The following SPTLC2 variants were observed in gnomAD, a reference collection of about 807,000 sequenced individuals.
The protein encoded by SPTLC2 is serine palmitoyltransferase long chain base subunit 2.
In SPTLC2, 21 loss-of-function variants were observed where a neutral mutation model predicts 62.0. The observed-to-expected ratio is 0.34, with a 90% confidence interval of 0.24 to 0.49. SPTLC2 has a LOEUF of 0.49. SPTLC2 is among the 20% of genes least tolerant of loss of function. The pLI, the probability that SPTLC2 is intolerant of heterozygous loss-of-function variation, is 0.99. For missense variants in SPTLC2, 511 were observed against 713.0 expected (o/e 0.72, Z 3.23); for synonymous variants, 261 against 261.8 (o/e 1.00, Z 0.03).
At chr14:77,559,966 A>G (rs767072815) in intron 6 of SPTLC2, among the ~76,000 whole-genome samples, 35 of 152,330 alleles carry the variant, frequency 2.3e-4, no homozygotes, top group Non-Finnish European at 4.3e-4. Flanking sequence ...TCAGTAAAAA[A>G]TAGAAACAAT....
In SPTLC2 at chr14:77,512,127, C is replaced by CA. The variant is rs571010205; in HGVS notation, c.*156dup. ...ATTAGAAGCAGTTTTTTACTATTTACAAAATGTCATTTAGAGTGGAGGTGG... is the reference window on the plus strand; with the variant it reads ...ATTAGAAGCAGTTTTTTACTATTTACAAAAATGTCATTTAGAGTGGAGGTGG... On this transcript the variant is annotated 3_prime_UTR_variant, in exon 12 of 12. Coordinates refer to ENST00000216484, the MANE Select transcript of SPTLC2 (RefSeq NM_004863.4). The CA allele has an allele frequency of 1.2e-4, 119 of 971,476 alleles. No individual in the cohort carries two copies. In the African/African-American group the frequency reaches 1.6e-3, roughly 13 times the overall value. 60.2% of individuals were successfully genotyped at this position (971,476 alleles called of 1,614,324 possible). A position where few individuals can be genotyped will look rare whatever the true frequency, so the allele number is the denominator to read the frequency against.
At chr14:77,538,243 T>C (rs2140006655) in intron 9 of SPTLC2, among the ~76,000 whole-genome samples, 1 of 152,332 alleles carries the variant, frequency 6.6e-6, no homozygotes, top group East Asian at 1.9e-4. Flanking sequence ...GTAATTATCA[T>C]CCAGGTGAGG....
chr14:77,566,406 C>A (rs1210186651), intron 5 of SPTLC2, among the ~76,000 whole-genome samples: 1 of 152,198 alleles, frequency 6.6e-6, no homozygotes, highest in Non-Finnish European at 1.5e-5. Context: ...ACTATTATCA[C>A]TCCCACTTTA....
At chr14:77,517,630 A>G (rs575569048) in intron 11 of SPTLC2, among the ~76,000 whole-genome samples, 11 of 152,214 alleles carry the variant, frequency 7.2e-5, no homozygotes, top group African/African-American at 2.7e-4. Context: ...ACACAGAGCA[A>G]GAAGGTGTGG....
chr14:77,518,196 CAGG>C (rs1359162982), intron 10 of SPTLC2, 29 bp from the exon 11 acceptor site: 2 of 1,613,850 alleles, frequency 1.2e-6, no homozygotes, highest in South Asian at 1.1e-5. Context: ...GAACAGAAAC[CAGG>C]AGGAGTGAAA....
chr14:77,589,498 T>TA (rs1759580779), intron 2 of SPTLC2, among the ~76,000 whole-genome samples: 1 of 128,478 alleles, frequency 7.8e-6, no homozygotes, highest in East Asian at 2.2e-4. Context: ...TTTTTTTTTT[T>TA]AGAGATAATG....
intron 10 of SPTLC2, among the ~76,000 whole-genome samples, chr14:77,519,667 G>A (rs549952897): frequency 6.5e-4 from 99 of 152,254 alleles, no homozygotes; most frequent in African/African-American, 2.2e-3. Context: ...GCAGTAAGCC[G>A]AGATCACGCC....
At chr14:77,516,123 T>A (rs2079358715) in intron 11 of SPTLC2, among the ~76,000 whole-genome samples, 1 of 152,206 alleles carries the variant, frequency 6.6e-6, no homozygotes, top group Admixed American at 6.5e-5. Flanking sequence ...TAGTACACGT[T>A]TAGTTCCATA....
chr14:77,563,128 G>A (rs1217725322), intron 5 of SPTLC2, among the ~76,000 whole-genome samples: 1 of 151,766 alleles, frequency 6.6e-6, no homozygotes, highest in Non-Finnish European at 1.5e-5. Flanking sequence ...ATCTCTCAGG[G>A]GGCCCTTCAA....
chr14:77,543,521 A>G (rs552679284), intron 9 of SPTLC2, among the ~76,000 whole-genome samples: 11 of 152,354 alleles, frequency 7.2e-5, no homozygotes, highest in African/African-American at 2.6e-4. Context: ...CAATAAGACA[A>G]TCAGAGTTTT....
chr14:77,538,596 A>G (rs1453096395), intron 9 of SPTLC2, among the ~76,000 whole-genome samples: 2 of 152,094 alleles, frequency 1.3e-5, no homozygotes, highest in African/African-American at 4.8e-5. Context: ...TTTGAGACAG[A>G]GTCTTGCTCT....
chr14:77,593,836 G>C (rs967320310), intron 2 of SPTLC2, among the ~76,000 whole-genome samples: 1 of 152,134 alleles, frequency 6.6e-6, no homozygotes, highest in Non-Finnish European at 1.5e-5. Context: ...CCTCCTTCCA[G>C]TTTAACACTT....
chr14:77,579,243 T>TA, intron 2 of SPTLC2, 134 bp from the exon 3 acceptor site: 1 of 866,642 alleles, frequency 1.2e-6, no homozygotes, highest in South Asian at 1.5e-5. Context: ...CAAGATTGTG[T>TA]AATGGACAAG....
At chr14:77,601,042 A>T (rs1027208207) in intron 1 of SPTLC2, among the ~76,000 whole-genome samples, 1 of 152,208 alleles carries the variant, frequency 6.6e-6, no homozygotes, top group African/African-American at 2.4e-5. Flanking sequence ...AGACACAAGA[A>T]AATGTGGTAA....
At chr14:77,575,907 T>C (rs1157952769) in intron 4 of SPTLC2, among the ~76,000 whole-genome samples, 2 of 152,128 alleles carry the variant, frequency 1.3e-5, no homozygotes, top group African/African-American at 4.8e-5. Context: ...AAGACCACCA[T>C]GGTATGAAGA....
chr14:77,525,320 G>A (rs1317299706), intron 9 of SPTLC2, among the ~76,000 whole-genome samples: 7 of 151,944 alleles, frequency 4.6e-5, no homozygotes, highest in Admixed American at 3.3e-4. Context: ...AGCCAGGCAC[G>A]GTGGCTCACG....
At chr14:77,526,677 T>C (rs34050122) in intron 9 of SPTLC2, among the ~76,000 whole-genome samples, 17,886 of 152,270 alleles carry the variant, frequency 0.12, 1,209 homozygotes, top group Middle Eastern at 0.25. Flanking sequence ...TTGGAAAATG[T>C]AGATAACTTT....
rs2079970247 is a variant in SPTLC2, at chr14:77,616,627, C to G, written c.-48G>C. 1 of 1,513,890 alleles carries G rather than the reference C, an allele frequency of 6.6e-7. No individual in the cohort carries two copies. Among genetic ancestry groups the G allele is most frequent in the South Asian group, 1.2e-5 (1 of 83,584 alleles). 93.8% of individuals were successfully genotyped at this position (1,513,890 alleles called of 1,614,324 possible). On this transcript the variant is annotated 5_prime_UTR_variant, in exon 1 of 12. Transcript: ENST00000216484. ...AGGCAGGCTCTGTAGGCGGTGGCAG[C>G]GGCGGCGGCTGCTCCAAGTCCCGCT...
At chr14:77,520,033 A>G (rs1201852374) in intron 10 of SPTLC2, among the ~76,000 whole-genome samples, 1 of 152,028 alleles carries the variant, frequency 6.6e-6, no homozygotes, top group Non-Finnish European at 1.5e-5. Flanking sequence ...TATATTTAGT[A>G]GTTATTGCTT....
Sources: allele counts gnomAD v4.1 joint callset (sites outside exome capture counted in the v4.1 genomes callset), GRCh38; gene constraint gnomAD v4.1.1; transcripts MANE v1.5; gene names NCBI Gene and HGNC (gene_info 2026-07-23, HGNC 2026-07-21).